The following ELF2 variants were observed in gnomAD, a reference collection of about 807,000 sequenced individuals.
The protein encoded by ELF2 is ETS-related transcription factor Elf-2.
In ELF2, 11 loss-of-function variants were observed where a neutral mutation model predicts 54.8. The observed-to-expected ratio is 0.20, with a 90% CI of 0.13 to 0.33. The LOEUF is 0.33. ELF2 is among the 10% of genes least tolerant of loss of function. ELF2 has a pLI of 1.00. For synonymous variants in ELF2, 203 were observed against 245.1 expected, an observed-to-expected ratio of 0.83 and a Z score of 1.61; for missense variants, 513 against 703.0, an observed-to-expected ratio of 0.73 and a Z score of 3.06.
intron 1 of ELF2, among the ~76,000 whole-genome samples, chr4:139,174,152 G>C (rs1394060136): frequency 7.0e-6 from 1 of 143,816 alleles, no homozygotes; most frequent in East Asian, 2.0e-4. Context: ...AGGTTGCAGT[G>C]AGCCAGATCA....
At position 139,092,403 on chromosome 4, in the gene ELF2, AT is replaced by A. The variant is rs1446202897; in HGVS notation, c.239-18837del. 7.4e-3 allele frequency among the ~76,000 whole-genome samples: 630 copies of A among 85,188 alleles called. 18 individuals are homozygous for A. The highest frequency in any genetic ancestry group is 0.021 in the African/African-American group (469 of 22,644). The allele number at this position is 85,188 out of a possible 152,430, so 55.9% of individuals were successfully genotyped here. A position where few individuals can be genotyped will look rare whatever the true frequency, so the allele number is the denominator to read the frequency against. ...ATAACATAACATAACATAACATAACATAACATAACATACATAACATAACATA... is the reference window on the plus strand; with the variant it reads ...ATAACATAACATAACATAACATAACAAACATAACATACATAACATAACATA... On this transcript the variant is annotated intron_variant, in intron 4 of 9. Coordinates refer to ENST00000686138, the MANE Select transcript of ELF2 (RefSeq NM_001331036.3).
In ELF2 at chr4:139,069,865, G is replaced by C. The variant is rs113577842; in HGVS notation, c.526+2001C>G. On this transcript the variant is annotated intron_variant, in intron 6 of 9. Coordinates refer to ENST00000686138, the MANE Select transcript of ELF2 (RefSeq NM_001331036.3). ...TTACATGTATTTTTTTTTTTTCTTTGAGACAGGGTCTCACTCTGTCGCCCA... is the reference window on the plus strand; with the variant it reads ...TTACATGTATTTTTTTTTTTTCTTTCAGACAGGGTCTCACTCTGTCGCCCA... Among the ~76,000 whole-genome samples the C allele has an allele frequency of 7.9e-3, 1,116 of 141,554 alleles. 20 individuals are homozygous for C. The highest frequency in any genetic ancestry group is 0.027 in the African/African-American group (1,053 of 38,908). The allele number at this position is 141,554 out of a possible 152,430, so 92.9% of individuals were successfully genotyped here. A position where few individuals can be genotyped will look rare whatever the true frequency, so the allele number is the denominator to read the frequency against.
At chr4:139,084,559 C>G (rs868386507) in intron 4 of ELF2, 40 of 413,840 alleles carry the variant, frequency 9.7e-5, no homozygotes, top group African/African-American at 8.1e-4. Context: ...CGGCCGCAGC[C>G]TGCGGCGAGA....
chr4:139,177,005 T>C lies in ELF2; in HGVS notation c.-290A>G, dbSNP rs1439393831. On this transcript the variant is annotated 5_prime_UTR_variant, in exon 1 of 10. Coordinates refer to ENST00000686138, the MANE Select transcript of ELF2 (RefSeq NM_001331036.3). Reference sequence around the variant, plus strand: ...CGCCTGGGAAGACCGCGGCGTCCTTTTCCCTCTCAGCAGGGCCGCGGACTA... The same window carrying C: ...CGCCTGGGAAGACCGCGGCGTCCTTCTCCCTCTCAGCAGGGCCGCGGACTA... 4 of 152,108 alleles carry C rather than the reference T, an allele frequency of 2.6e-5. No homozygotes were observed. Among genetic ancestry groups the C allele is most frequent in the African/African-American group, 9.7e-5 (4 of 41,410 alleles). 9.4% of individuals were successfully genotyped at this position (152,108 alleles called of 1,614,324 possible).
intron 5 of ELF2, 39 bp from the exon 6 acceptor site, chr4:139,072,078 C>T (rs201997359): frequency 1.9e-5 from 31 of 1,592,748 alleles, no homozygotes; most frequent in Non-Finnish European, 2.6e-5. Flanking sequence ...TTCCCACCCC[C>T]ATCAATGTTT....
At chr4:139,121,868 A>G (rs1736385435) in intron 4 of ELF2, among the ~76,000 whole-genome samples, 2 of 152,244 alleles carry the variant, frequency 1.3e-5, no homozygotes, top group African/African-American at 4.8e-5. Flanking sequence ...AGTATTACAC[A>G]TAACCTCTGT....
intron 1 of ELF2, among the ~76,000 whole-genome samples, chr4:139,167,270 G>C (rs1410653011): frequency 6.6e-6 from 1 of 152,136 alleles, no homozygotes; most frequent in East Asian, 1.9e-4. Flanking sequence ...ACAATGTCTG[G>C]GTTCAGGTGT....
chr4:139,060,308 G>A lies in ELF2; in HGVS notation c.1157+16C>T. ...AAAAAGTAAATACATTGTAACTAAT[G>A]GTTTGCTTCACTTACCTTGGAGCTG... On this transcript the variant is annotated intron_variant, in intron 9 of 9. Coordinates refer to ENST00000686138, the MANE Select transcript of ELF2 (RefSeq NM_001331036.3). 6.4e-7 allele frequency: 1 copy of A among 1,565,304 alleles called. No individual in the cohort carries two copies. Among genetic ancestry groups the A allele is most frequent in the Non-Finnish European group, 8.6e-7 (1 of 1,158,246 alleles).
chr4:139,119,683 C>G (rs1009740948), intron 4 of ELF2, among the ~76,000 whole-genome samples: 6 of 152,192 alleles, frequency 3.9e-5, no homozygotes, highest in Admixed American at 3.3e-4. Flanking sequence ...TTGTAACTAG[C>G]CCTTTATTAA....
chr4:139,125,753 C>T (rs11725721), intron 3 of ELF2, among the ~76,000 whole-genome samples: 26,975 of 147,500 alleles, frequency 0.18, 2,637 homozygotes, highest in Middle Eastern at 0.31. Flanking sequence ...GTTAGCAGAC[C>T]CAGCAAAGCC....
chr4:139,128,213 T>C (rs1187284003), intron 3 of ELF2, among the ~76,000 whole-genome samples: 1 of 151,966 alleles, frequency 6.6e-6, no homozygotes, highest in Non-Finnish European at 1.5e-5. Flanking sequence ...AGGTGAAGGC[T>C]GCAGTGAGCC....
chr4:139,060,251 G>A lies in ELF2; in HGVS notation c.1157+73C>T, dbSNP rs1727633145. ...CTTAGAACACTAATATTAAGCAAAAGGACATTTTGTTTTCACCACGGAGAC... is the reference window on the plus strand; with the variant it reads ...CTTAGAACACTAATATTAAGCAAAAAGACATTTTGTTTTCACCACGGAGAC... On this transcript the variant is annotated intron_variant, in intron 9 of 9. Coordinates refer to ENST00000686138, the MANE Select transcript of ELF2 (RefSeq NM_001331036.3). 5.2e-6 allele frequency: 7 copies of A among 1,339,952 alleles called. No individual in the cohort carries two copies. In the South Asian group the frequency reaches 6.1e-5, roughly 12 times the overall value. 83.0% of individuals were successfully genotyped at this position (1,339,952 alleles called of 1,614,324 possible). A position where few individuals can be genotyped will look rare whatever the true frequency, so the allele number is the denominator to read the frequency against.
intron 8 of ELF2, among the ~76,000 whole-genome samples, chr4:139,061,378 T>A (rs973209639): frequency 2.6e-5 from 4 of 152,116 alleles, no homozygotes; most frequent in Non-Finnish European, 4.4e-5. Context: ...TTTCCCCATG[T>A]TGGCCAGGCT....
intron 1 of ELF2, among the ~76,000 whole-genome samples, chr4:139,176,505 C>A (rs1340718543): frequency 6.6e-6 from 1 of 152,076 alleles, no homozygotes. Flanking sequence ...CTACACAAAC[C>A]CTCCCAGGAC....
At chr4:139,145,759 A>G (rs530979954) in intron 1 of ELF2, among the ~76,000 whole-genome samples, 2 of 152,348 alleles carry the variant, frequency 1.3e-5, no homozygotes, top group Admixed American at 1.3e-4. Context: ...CAAATGTGAT[A>G]TATCACATAA....
intron 3 of ELF2, among the ~76,000 whole-genome samples, chr4:139,127,320 C>T (rs1433050192): frequency 1.3e-5 from 2 of 152,206 alleles, no homozygotes; most frequent in Non-Finnish European, 2.9e-5. Context: ...TACTGTAGCA[C>T]TGCCAGATAC....
intron 1 of ELF2, among the ~76,000 whole-genome samples, chr4:139,160,973 A>T (rs564535164): frequency 4.9e-4 from 74 of 152,178 alleles, no homozygotes; most frequent in Non-Finnish European, 9.1e-4. Flanking sequence ...AAAATAAATA[A>T]ATAAAAGAAA....
At chr4:139,059,849 CTTTTTTTTT>C (rs780513254) in intron 9 of ELF2, among the ~76,000 whole-genome samples, 1 of 141,980 alleles carries the variant, frequency 7.0e-6, no homozygotes, top group African/African-American at 2.6e-5. Flanking sequence ...AAGACATCTA[CTTTTTTTTT>C]TTTTTTGGAG....
chr4:139,087,829 G>T (rs982567433), intron 4 of ELF2, among the ~76,000 whole-genome samples: 1 of 152,126 alleles, frequency 6.6e-6, no homozygotes, highest in Non-Finnish European at 1.5e-5. Flanking sequence ...AATAGTTAAT[G>T]ATCTCTATAG....
Sources: gnomAD v4.1 joint callset for allele counts (sites outside exome capture counted in the v4.1 genomes callset) on GRCh38, gnomAD v4.1.1 for gene constraint, MANE v1.5 for transcripts, NCBI Gene and HGNC (gene_info 2026-07-23, HGNC 2026-07-21) for gene names.